The following IRAK2 variants were observed in gnomAD, a reference collection of about 807,000 sequenced individuals.
IRAK2 encodes interleukin-1 receptor-associated kinase-like 2.
In IRAK2, 57 loss-of-function variants were observed where a neutral mutation model predicts 72.0. The observed-to-expected ratio is 0.79, with a 90% CI of 0.64 to 0.99. IRAK2 has a LOEUF of 0.99. Among genes scored for constraint, IRAK2 ranks in the 50% least tolerant of loss-of-function variants. The pLI is 0.00. For missense variants in IRAK2, 790 were observed against 794.4 expected, an observed-to-expected ratio of 0.99 and a Z score of 0.07; for synonymous variants, 293 against 312.7, an observed-to-expected ratio of 0.94 and a Z score of 0.67.
chr3:10,201,147 G>GT (rs927127267), intron 3 of IRAK2, among the ~76,000 whole-genome samples: 47 of 152,318 alleles, frequency 3.1e-4, no homozygotes, highest in African/African-American at 1.1e-3. Context: ...ACTATTCCAA[G>GT]TACTGTACTT....
intron 6 of IRAK2, among the ~76,000 whole-genome samples, chr3:10,216,616 G>A (rs1050509390): frequency 7.2e-5 from 11 of 152,138 alleles, no homozygotes; most frequent in Non-Finnish European, 1.5e-5. Context: ...TGTGGGATCT[G>A]GTCCTGGCTT....
chr3:10,166,661 T>C (rs1414784165), intron 1 of IRAK2, among the ~76,000 whole-genome samples: 6 of 152,212 alleles, frequency 3.9e-5, no homozygotes, highest in Admixed American at 3.9e-4. Context: ...ATTTTTATTT[T>C]TTTGAGACAG....
chr3:10,214,348 C>T (rs1697569831), intron 6 of IRAK2, among the ~76,000 whole-genome samples: 2 of 149,694 alleles, frequency 1.3e-5, no homozygotes, highest in South Asian at 4.2e-4. Flanking sequence ...ACCTCAGCCT[C>T]TGAGAAGCTG....
chr3:10,222,843 C>T lies in IRAK2; in HGVS notation c.1209+12C>T. 3 of 1,612,442 alleles carry T rather than the reference C, an allele frequency of 1.9e-6. No homozygotes were observed. Among genetic ancestry groups the T allele is most frequent in the South Asian group, 2.2e-5 (2 of 91,032 alleles). ...TCAGCTGTGGAATAGTAAGAGTGTC[C>T]TGCTCTGCGTAGAGTGGGGCCCACC... On this transcript the variant is annotated intron_variant, in intron 9 of 12. Transcript: ENST00000256458.
At chr3:10,228,081 C>T (rs371121050) in intron 10 of IRAK2, among the ~76,000 whole-genome samples, 75 of 152,182 alleles carry the variant, frequency 4.9e-4, no homozygotes, top group African/African-American at 1.8e-3. Context: ...TCACGCCCCT[C>T]AGTGAGACCA....
intron 1 of IRAK2, among the ~76,000 whole-genome samples, chr3:10,170,825 C>T (rs1004648509): frequency 1.8e-4 from 28 of 152,324 alleles, no homozygotes; most frequent in South Asian, 2.1e-4. Context: ...TCAGAGCCAG[C>T]GGTGCCTCCG....
intron 8 of IRAK2, among the ~76,000 whole-genome samples, chr3:10,220,843 T>C (rs1208119789): frequency 6.6e-6 from 1 of 152,202 alleles, no homozygotes; most frequent in Non-Finnish European, 1.5e-5. Context: ...ACTCATCAGC[T>C]GGCCTCTAGG....
intron 5 of IRAK2, 28 bp downstream of exon 5, chr3:10,213,429 G>T: frequency 6.2e-7 from 1 of 1,612,580 alleles, no homozygotes; most frequent in South Asian, 1.1e-5. Context: ...TCTAGTGGGG[G>T]TGGAGGCTGC....
Position 10,184,379 on chromosome 3 carries a change from A to T in IRAK2, c.277+6359A>T, listed in dbSNP as rs568406531. ...ATTTTGGCCACCCAGATATCTGTATACACCTGTCTTGACCTGCATAAAACA... is the reference window on the plus strand; with the variant it reads ...ATTTTGGCCACCCAGATATCTGTATTCACCTGTCTTGACCTGCATAAAACA... On this transcript the variant is annotated intron_variant, in intron 2 of 12. Transcript: ENST00000256458. Among the ~76,000 whole-genome samples, 8 of 152,354 alleles carry T rather than the reference A, an allele frequency of 5.3e-5. No individual in the cohort carries two copies. The East Asian group carries it at 1.2e-3, about 22-fold the overall frequency.
intron 2 of IRAK2, among the ~76,000 whole-genome samples, chr3:10,199,175 G>T (rs1246413030): frequency 6.6e-6 from 1 of 152,132 alleles, no homozygotes; most frequent in Non-Finnish European, 1.5e-5. Flanking sequence ...GATAAGATCA[G>T]GGCCCAGTGG....
intron 2 of IRAK2, among the ~76,000 whole-genome samples, chr3:10,188,373 C>CA (rs1398392710): frequency 6.6e-6 from 1 of 152,232 alleles, no homozygotes; most frequent in African/African-American, 2.4e-5. Context: ...CTCACGCTGT[C>CA]ACCTGGGCTG....
At chr3:10,187,997 G>A (rs1697105723) in intron 2 of IRAK2, among the ~76,000 whole-genome samples, 1 of 152,326 alleles carries the variant, frequency 6.6e-6, no homozygotes, top group African/African-American at 2.4e-5. Flanking sequence ...CAGATGACCA[G>A]GCTTAGGAGG....
rs541882910 is a variant in IRAK2 at position 10,233,293 on chromosome 3, C to G, written c.1273-1166C>G. ...TCTCGAACTCCTGACCTCGAGTGAT[C>G]TGCCAGTCTCGGCCTCGCAAAGTGC... is the stretch of plus-strand genomic sequence containing the variant. On this transcript the variant is annotated intron_variant, in intron 10 of 12. Coordinates refer to ENST00000256458, the MANE Select transcript of IRAK2 (RefSeq NM_001570.4). Among the ~76,000 whole-genome samples, 9 of 152,260 alleles carry G rather than the reference C, an allele frequency of 5.9e-5. No homozygotes were observed. The East Asian group carries it at 1.7e-3, about 29-fold the overall frequency.
intron 11 of IRAK2, among the ~76,000 whole-genome samples, chr3:10,236,125 G>C (rs1026470400): frequency 1.3e-5 from 2 of 152,070 alleles, no homozygotes; most frequent in Admixed American, 6.6e-5. Flanking sequence ...AGGAAGGGGG[G>C]TTTAAGCACA....
chr3:10,206,907 TG>T (rs1697442109), intron 3 of IRAK2, among the ~76,000 whole-genome samples: 1 of 151,086 alleles, frequency 6.6e-6, no homozygotes, highest in African/African-American at 2.4e-5. Flanking sequence ...CAGGCTGGAG[TG>T]CAGTGGCACA....
At chr3:10,234,207 C>T (rs1354597066) in intron 10 of IRAK2, among the ~76,000 whole-genome samples, 3 of 152,052 alleles carry the variant, frequency 2.0e-5, no homozygotes, top group Admixed American at 1.3e-4. Context: ...ATGAACCAAC[C>T]GAGGCCTAGA....
chr3:10,216,752 T>C (rs1164155115), intron 6 of IRAK2, among the ~76,000 whole-genome samples, 182 bp from the exon 7 acceptor site: 1 of 152,126 alleles, frequency 6.6e-6, no homozygotes, highest in African/African-American at 2.4e-5. Flanking sequence ...ACCATACTCG[T>C]TGAAGGCAGA....
At chr3:10,198,085 G>A (rs1697300221) in intron 2 of IRAK2, among the ~76,000 whole-genome samples, 1 of 151,920 alleles carries the variant, frequency 6.6e-6, no homozygotes, top group African/African-American at 2.4e-5. Flanking sequence ...TGTAGTCCCA[G>A]CTACACGGGA....
chr3:10,200,300 A>C (rs922470538), intron 2 of IRAK2, 69 bp from the exon 3 acceptor site: 19 of 1,379,306 alleles, frequency 1.4e-5, no homozygotes, highest in Non-Finnish European at 1.8e-5. Flanking sequence ...TCTGACTTCC[A>C]GAACCAGTCT....
Sources: allele counts gnomAD v4.1 joint callset (sites outside exome capture counted in the v4.1 genomes callset), GRCh38; gene constraint gnomAD v4.1.1; transcripts MANE v1.5; gene names NCBI Gene and HGNC (gene_info 2026-07-23, HGNC 2026-07-21).